The following SLC9A9 variants were observed in gnomAD, a reference collection of about 807,000 sequenced individuals.
SLC9A9 encodes sodium/hydrogen exchanger 9.
Under a neutral mutation model 77.8 loss-of-function variants are expected in SLC9A9, and 62 were observed. The observed-to-expected ratio is 0.80, with a 90% CI of 0.65 to 0.98. SLC9A9 has a LOEUF of 0.98. Ranked by LOEUF, SLC9A9 falls within the 50% of genes least tolerant of loss-of-function variation. The pLI, the probability that SLC9A9 is intolerant of heterozygous loss-of-function variation, is 0.00. For synonymous variants in SLC9A9, 320 were observed against 283.5 expected (o/e 1.13, Z -1.29); for missense variants, 775 against 774.9 (o/e 1.00, Z 0.00).
chr3:143,299,352 C>T (rs2030417174), intron 14 of SLC9A9, among the ~76,000 whole-genome samples: 1 of 152,148 alleles, frequency 6.6e-6, no homozygotes, highest in Admixed American at 6.5e-5. Flanking sequence ...GCAGGGCCAT[C>T]TGGGGCTGCT....
chr3:143,834,146 G>A (rs9868722), intron 1 of SLC9A9, among the ~76,000 whole-genome samples: 6,411 of 152,222 alleles, frequency 0.042, 181 homozygotes, highest in South Asian at 0.1. Flanking sequence ...TATTATTCCT[G>A]CTTCAGTGTT....
chr3:143,586,012 C>T (rs2083528), intron 6 of SLC9A9, among the ~76,000 whole-genome samples: 13,498 of 152,274 alleles, frequency 0.089, 699 homozygotes, highest in Middle Eastern at 0.19. Context: ...GACTCCCCTT[C>T]CCCTTGGCTT....
In SLC9A9 at chr3:143,640,720, G is replaced by A. The variant is rs112583968; in HGVS notation, c.755+11535C>T. Reference sequence around the variant, plus strand: ...TACAAAAAATACAAAAATTAGCCTGGTGTGGTCTGTGGTCCCAGCTACTCA... The same window carrying A: ...TACAAAAAATACAAAAATTAGCCTGATGTGGTCTGTGGTCCCAGCTACTCA... On this transcript the variant is annotated intron_variant, in intron 6 of 15. Transcript: ENST00000316549. 4.3e-3 allele frequency among the ~76,000 whole-genome samples: 659 copies of A among 152,146 alleles called. 3 individuals carry two copies. The South Asian group carries it at 0.047, about 11-fold the overall frequency.
intron 4 of SLC9A9, among the ~76,000 whole-genome samples, chr3:143,784,352 C>T (rs1421140444): frequency 6.6e-6 from 1 of 152,012 alleles, no homozygotes; most frequent in Non-Finnish European, 1.5e-5. Flanking sequence ...TAAGTCAAAA[C>T]GGGAGGCATT....
intron 14 of SLC9A9, among the ~76,000 whole-genome samples, chr3:143,330,674 A>G (rs534296535): frequency 1.3e-5 from 2 of 152,222 alleles, no homozygotes; most frequent in African/African-American, 2.4e-5. Context: ...TGTTTCCACA[A>G]TGCTTAACTG....
chr3:143,625,563 T>C (rs1026063117), intron 6 of SLC9A9, among the ~76,000 whole-genome samples: 1 of 152,202 alleles, frequency 6.6e-6, no homozygotes, highest in Non-Finnish European at 1.5e-5. Context: ...GCTAGCCATA[T>C]GTAGAAAGCT....
intron 9 of SLC9A9, among the ~76,000 whole-genome samples, chr3:143,506,227 A>G (rs2036014695): frequency 6.6e-6 from 1 of 152,220 alleles, no homozygotes; most frequent in Non-Finnish European, 1.5e-5. Flanking sequence ...GAGTAGAATT[A>G]CTTTGTAATG....
At chr3:143,748,210 T>C (rs908132981) in intron 4 of SLC9A9, among the ~76,000 whole-genome samples, 5 of 152,224 alleles carry the variant, frequency 3.3e-5, no homozygotes, top group African/African-American at 1.2e-4. Context: ...GCCGTAGAAC[T>C]TTAGATATTC....
intron 4 of SLC9A9, among the ~76,000 whole-genome samples, chr3:143,741,165 A>G (rs1935063371): frequency 6.6e-6 from 1 of 152,186 alleles, no homozygotes; most frequent in Non-Finnish European, 1.5e-5. Flanking sequence ...TCTCCAGTAA[A>G]AGGAATTAAG....
At chr3:143,539,084 A>G (rs958192426) in intron 9 of SLC9A9, among the ~76,000 whole-genome samples, 1 of 152,206 alleles carries the variant, frequency 6.6e-6, no homozygotes, top group African/African-American at 2.4e-5. Context: ...ATACAACAGT[A>G]ATAGTTTGTT....
At chr3:143,603,605 G>A (rs2037879333) in intron 6 of SLC9A9, among the ~76,000 whole-genome samples, 1 of 152,174 alleles carries the variant, frequency 6.6e-6, no homozygotes, top group South Asian at 2.1e-4. Context: ...CTTTGGTCCT[G>A]GTCAAGTCTT....
rs1553724406 is a variant in SLC9A9 at position 143,806,738 on chromosome 3, G to GT, written c.379-9836_379-9835insA. On this transcript the variant is annotated intron_variant, in intron 2 of 15. Coordinates refer to ENST00000316549, the MANE Select transcript of SLC9A9 (RefSeq NM_173653.4). ...GCTGGGAAGGGTATTATGTGGTGGT[G>GT]GGGGGGGCAAGTGGGGATTGTGAAT... Among the ~76,000 whole-genome samples the GT allele has an allele frequency of 4.1e-5, 4 of 98,258 alleles. No individual in the cohort carries two copies. The East Asian group carries it at 2.9e-3, about 72-fold the overall frequency. The allele number at this position is 98,258 out of a possible 152,430, so 64.5% of individuals were successfully genotyped here.
intron 12 of SLC9A9, among the ~76,000 whole-genome samples, chr3:143,454,581 AC>A (rs1365311357): frequency 6.6e-6 from 1 of 152,110 alleles, no homozygotes; most frequent in African/African-American, 2.4e-5. Context: ...AAACTACCAA[AC>A]CTTAGCAGCA....
At position 143,427,033 on chromosome 3, in the gene SLC9A9, C is replaced by T. The variant is rs541844016; in HGVS notation, c.1469+40004G>A. Among the ~76,000 whole-genome samples, 6 of 152,310 alleles carry T rather than the reference C, an allele frequency of 3.9e-5. No individual in the cohort carries two copies. In the South Asian group the frequency reaches 1.2e-3, roughly 32 times the overall value. The stretch of plus-strand genomic sequence containing the variant: ...CAAGGCATTATTGTGACTGTTAAAG[C>T]AAGGCCCAATCAATGTTTGTTTTTA... On this transcript the variant is annotated intron_variant, in intron 12 of 15. Coordinates refer to ENST00000316549, the MANE Select transcript of SLC9A9 (RefSeq NM_173653.4).
intron 14 of SLC9A9, among the ~76,000 whole-genome samples, chr3:143,297,025 A>T (rs1318152942): frequency 6.6e-6 from 1 of 152,176 alleles, no homozygotes; most frequent in Non-Finnish European, 1.5e-5. Flanking sequence ...TTTGACTGTG[A>T]TATAGTCCCA....
intron 2 of SLC9A9, among the ~76,000 whole-genome samples, chr3:143,831,474 A>G (rs1402633144): frequency 6.6e-6 from 1 of 152,200 alleles, no homozygotes; most frequent in African/African-American, 2.4e-5. Flanking sequence ...TTCCTTAACC[A>G]AACTGATAGT....
At chr3:143,451,345 C>T (rs1023119366) in intron 12 of SLC9A9, among the ~76,000 whole-genome samples, 2 of 152,106 alleles carry the variant, frequency 1.3e-5, no homozygotes, top group African/African-American at 4.8e-5. Context: ...GAATCCAGCA[C>T]TTATTTTTAA....
At chr3:143,621,762 G>A (rs113025499) in intron 6 of SLC9A9, among the ~76,000 whole-genome samples, 1,620 of 151,886 alleles carry the variant, frequency 0.011, 28 homozygotes, top group African/African-American at 0.035. Context: ...AAAGCTGGAC[G>A]GAGAATGACT....
At chr3:143,575,849 G>A (rs2037349108) in intron 7 of SLC9A9, among the ~76,000 whole-genome samples, 2 of 152,200 alleles carry the variant, frequency 1.3e-5, no homozygotes, top group African/African-American at 4.8e-5. Flanking sequence ...AAATGGGTAG[G>A]TGGTTAGGAA....
Sources: allele counts gnomAD v4.1 joint callset (sites outside exome capture counted in the v4.1 genomes callset), GRCh38; gene constraint gnomAD v4.1.1; transcripts MANE v1.5; gene names NCBI Gene and HGNC (gene_info 2026-07-23, HGNC 2026-07-21).